Variants in MEI1 observed in about 807,000 individuals in gnomAD.
The protein encoded by MEI1 is meiotic double-stranded break formation protein 1.
In MEI1, 103 loss-of-function variants were observed where a neutral mutation model predicts 146.2. The ratio of observed to expected loss-of-function variants is 0.70; its 90% CI spans 0.60 to 0.83. MEI1 has a LOEUF of 0.83. Ranked by LOEUF, MEI1 falls within the 40% of genes least tolerant of loss-of-function variation. MEI1 has a pLI of 0.00. For missense variants in MEI1, 1,529 were observed against 1,533.0 expected, an observed-to-expected ratio of 1.00 and a Z score of 0.04; for synonymous variants, 652 against 628.2, an observed-to-expected ratio of 1.04 and a Z score of -0.57.
intron 6 of MEI1, 80 bp from the exon 7 acceptor site, chr22:41,723,863 G>C (rs2071084007): frequency 6.8e-7 from 1 of 1,480,960 alleles, no homozygotes; most frequent in East Asian, 2.5e-5. Flanking sequence ...GTTTCTCTGG[G>C]GATGTCTGAG....
At chr22:41,703,212 C>A in intron 1 of MEI1, 119 bp from the exon 2 acceptor site, 1 of 1,096,006 alleles carries the variant, frequency 9.1e-7, no homozygotes, top group Non-Finnish European at 1.3e-6. Context: ...GTATGGATCT[C>A]ACCGTAGTTT....
intron 3 of MEI1, 123 bp from the exon 4 acceptor site, chr22:41,713,879 A>G (rs1354479822): frequency 1.4e-5 from 10 of 734,850 alleles, no homozygotes; most frequent in Admixed American, 2.6e-5. Context: ...AAGAAATAGA[A>G]AAGTATAATA....
Position 41,716,109 on chromosome 22 carries a change from C to T in MEI1, c.492C>T (p.Ala164=). 6.2e-7 allele frequency: 1 copy of T among 1,611,366 alleles called. No homozygotes were observed. The highest frequency in any genetic ancestry group is 8.5e-7 in the Non-Finnish European group (1 of 1,178,852). The change falls in exon 5 of 31, where the codon GCC becomes GCT. Residue 164 remains alanine (A), a synonymous_variant. Transcript: ENST00000401548. ...CCCTTCTTGGCAAGTTGGTGGATGC[C>T]ATCCCTGCTCTGGCAGACGAGCTTG... ...TLTLLGKLVD[A]IPALADELVM...
At chr22:41,721,237 CTTTTT>C (rs984702207) in intron 6 of MEI1, among the ~76,000 whole-genome samples, 1 of 70,484 alleles carries the variant, frequency 1.4e-5, no homozygotes, top group Non-Finnish European at 2.5e-5. Context: ...CACGCCCGTT[CTTTTT>C]TTTTTTTTTT....
chr22:41,777,406 T>G (rs551531579), intron 21 of MEI1, among the ~76,000 whole-genome samples: 1 of 152,262 alleles, frequency 6.6e-6, no homozygotes, highest in African/African-American at 2.4e-5. Flanking sequence ...TCCGCCCGCC[T>G]CAGCCTCCCA....
intron 11 of MEI1, 145 bp from the exon 12 acceptor site, chr22:41,742,935 A>T (rs1377092425): frequency 3.4e-6 from 2 of 581,080 alleles, no homozygotes; most frequent in Admixed American, 5.2e-5. Flanking sequence ...GTGAGCCACC[A>T]TTCCTGGCCT....
In MEI1 at chr22:41,736,506, G is replaced by A. The variant is rs185805989; in HGVS notation, c.1331+3903G>A. On this transcript the variant is annotated intron_variant, in intron 11 of 30. Coordinates refer to ENST00000401548, the MANE Select transcript of MEI1 (RefSeq NM_152513.4). ...CTGACCTTGTGATCTGCGTGCCTCT[G>A]CCTCTCAAAGGGCTGGGATTACAGG... Among the ~76,000 whole-genome samples, 1,078 of 152,166 alleles carry A rather than the reference G, an allele frequency of 7.1e-3. 5 individuals are homozygous for A. The highest frequency in any genetic ancestry group is 0.011 in the Non-Finnish European group (757 of 68,020).
At chr22:41,724,632 A>T (rs1178475781) in intron 7 of MEI1, among the ~76,000 whole-genome samples, 1 of 149,988 alleles carries the variant, frequency 6.7e-6, no homozygotes, top group African/African-American at 2.4e-5. Context: ...AAAAAAAAAA[A>T]AAATTAGCTG....
chr22:41,748,622 T>C (rs2073509350), intron 15 of MEI1, among the ~76,000 whole-genome samples: 1 of 152,328 alleles, frequency 6.6e-6, no homozygotes, highest in East Asian at 1.9e-4. Context: ...GAGACTGTTT[T>C]AAGTGCTTTG....
intron 11 of MEI1, among the ~76,000 whole-genome samples, chr22:41,736,947 G>A (rs2072425568): frequency 6.6e-6 from 1 of 152,122 alleles, no homozygotes; most frequent in Non-Finnish European, 1.5e-5. Flanking sequence ...CATGCTACTA[G>A]CATATAGAGA....
rs756191669 is a variant in MEI1 at position 41,758,349 on chromosome 22, C to T, written c.1952-16C>T. ...ATGTTCTCTGTGTGGCTTTCCTCTA[C>T]TTATTCCCTCCCTAGAACTCTCTGC... On this transcript the variant is annotated splice_polypyrimidine_tract_variant and intron_variant, in intron 17 of 30. Coordinates refer to ENST00000401548, the MANE Select transcript of MEI1 (RefSeq NM_152513.4). The T allele has an allele frequency of 1.9e-6, 3 of 1,605,654 alleles. No homozygotes were observed. The highest frequency in any genetic ancestry group is 8.5e-7 in the Non-Finnish European group (1 of 1,174,440).
At chr22:41,713,898 C>A in intron 3 of MEI1, 104 bp from the exon 4 acceptor site, 1 of 904,554 alleles carries the variant, frequency 1.1e-6, no homozygotes, top group Non-Finnish European at 1.7e-6. Context: ...TACCAATTAG[C>A]CCAGGCAAAT....
intron 26 of MEI1, among the ~76,000 whole-genome samples, chr22:41,793,335 C>G (rs926951189): frequency 6.6e-6 from 1 of 151,016 alleles, no homozygotes; most frequent in Non-Finnish European, 1.5e-5. Flanking sequence ...GAGTTTCGCT[C>G]TGTCGCTCAG....
At chr22:41,775,937 A>G in intron 20 of MEI1, 165 bp from the exon 21 acceptor site, 1 of 632,940 alleles carries the variant, frequency 1.6e-6, no homozygotes, top group Non-Finnish European at 2.7e-6. Context: ...GCGTCAGTGC[A>G]CCTAGAAGAG....
chr22:41,712,701 T>TGTGC (rs769006071), intron 3 of MEI1, among the ~76,000 whole-genome samples: 1 of 150,436 alleles, frequency 6.6e-6, no homozygotes, highest in South Asian at 2.1e-4. Context: ...TGTGTGTGTG[T>TGTGC]GGAGCAATAT....
chr22:41,763,880 T>C (rs918197785), intron 19 of MEI1, among the ~76,000 whole-genome samples: 1 of 152,010 alleles, frequency 6.6e-6, no homozygotes, highest in African/African-American at 2.4e-5. Flanking sequence ...ACTTAACCTA[T>C]GTTTCCTATG....
At chr22:41,721,992 TAC>T (rs964431396) in intron 6 of MEI1, 5 of 151,304 alleles carry the variant, frequency 3.3e-5, no homozygotes, top group African/African-American at 9.7e-5. Flanking sequence ...GTGTTGGGAT[TAC>T]AGGCGTGAGC....
At position 41,758,429 on chromosome 22, in the gene MEI1, A is replaced by G. The variant is rs370802528; in HGVS notation, c.2016A>G (p.Glu672=). Residue 672 remains glutamate (E), a synonymous_variant, in exon 18 of 31, where the codon GAA becomes GAG. Coordinates refer to ENST00000401548, the MANE Select transcript of MEI1 (RefSeq NM_152513.4). ...CCCAGATAAGCAGCAGGAGCCCTGA[A>G]AGCCTTGCCTTCCTGTCTGATCGCC... ...GLPQISSRSP[E]SLAFLSDRQY... is the part of the protein sequence containing the mutation. 1 of 1,613,964 alleles carries G rather than the reference A, an allele frequency of 6.2e-7. No homozygotes were observed. Among genetic ancestry groups the G allele is most frequent in the African/African-American group, 1.3e-5 (1 of 75,042 alleles).
chr22:41,771,770 C>A (rs73885811), intron 20 of MEI1, among the ~76,000 whole-genome samples: 1,582 of 152,100 alleles, frequency 0.01, 26 homozygotes, highest in African/African-American at 0.037. Context: ...TTTTTCCTTC[C>A]ACTCAAGAAG....
Sources: gnomAD v4.1 joint callset for allele counts (sites outside exome capture counted in the v4.1 genomes callset) on GRCh38, gnomAD v4.1.1 for gene constraint, MANE v1.5 for transcripts, NCBI Gene and HGNC (gene_info 2026-07-23, HGNC 2026-07-21) for gene names.